Variants in KATNIP observed in about 807,000 individuals in gnomAD.
KATNIP encodes the protein katanin interacting protein.
KATNIP carries 126 observed loss-of-function variants against 174.0 expected under a neutral mutation model. The observed-to-expected ratio is 0.72, with a 90% confidence interval of 0.63 to 0.84. The LOEUF is 0.84. Among genes scored for constraint, KATNIP ranks in the 40% least tolerant of loss-of-function variants. KATNIP has a pLI of 0.00. For missense variants in KATNIP, 1,958 were observed against 2,109.7 expected (o/e 0.93, Z 1.41); for synonymous variants, 810 against 835.7 (o/e 0.97, Z 0.53).
chr16:27,643,674 G>A (rs1178264572), intron 5 of KATNIP, among the ~76,000 whole-genome samples: 11 of 149,780 alleles, frequency 7.3e-5, no homozygotes, highest in African/African-American at 2.2e-4. Context: ...GACATGGCAC[G>A]TAGTGTGAAA....
At chr16:27,632,152 A>G (rs932263435) in intron 5 of KATNIP, among the ~76,000 whole-genome samples, 15 of 152,120 alleles carry the variant, frequency 9.9e-5, no homozygotes, top group African/African-American at 3.6e-4. Context: ...CCTCATAGTC[A>G]CTCATACCTT....
chr16:27,568,606 A>G (rs1186024803), intron 1 of KATNIP, among the ~76,000 whole-genome samples: 3 of 152,156 alleles, frequency 2.0e-5, no homozygotes, highest in Non-Finnish European at 4.4e-5. Context: ...CTAAGACTAC[A>G]GGCACATGCC....
At chr16:27,663,228 G>C (rs542848483) in intron 6 of KATNIP, among the ~76,000 whole-genome samples, 8 of 136,492 alleles carry the variant, frequency 5.9e-5, no homozygotes, top group Non-Finnish European at 9.1e-5. Context: ...AAACTCCTAG[G>C]TTCAAGTAAT....
intron 2 of KATNIP, among the ~76,000 whole-genome samples, chr16:27,598,243 C>CA (rs10635648): frequency 0.057 from 8,059 of 142,490 alleles, 506 homozygotes; most frequent in African/African-American, 0.14. Context: ...GACTCCATCT[C>CA]AAAAAAAAAA....
At chr16:27,550,649 A>G (rs776812391) in intron 1 of KATNIP, among the ~76,000 whole-genome samples, 3 of 152,166 alleles carry the variant, frequency 2.0e-5, no homozygotes, top group Non-Finnish European at 4.4e-5. Context: ...TCCCTTTAAC[A>G]AAGTGCTTTC....
chr16:27,587,111 A>C lies in KATNIP; in HGVS notation c.63+13155A>C, dbSNP rs572110329. Among the ~76,000 whole-genome samples, 310 of 152,254 alleles carry C rather than the reference A, an allele frequency of 2.0e-3. 3 individuals are homozygous for C. The highest frequency in any genetic ancestry group is 7.0e-3 in the African/African-American group (291 of 41,544). ...TACTACTAGCTGTGTAGTTTTCAGC[A>C]ATTACCTAACCTCTCTGCGCGTCAG... On this transcript the variant is annotated intron_variant, in intron 2 of 27. Coordinates refer to ENST00000261588, the MANE Select transcript of KATNIP (RefSeq NM_015202.5).
chr16:27,686,256 G>A (rs765614449), intron 8 of KATNIP, among the ~76,000 whole-genome samples: 50 of 152,188 alleles, frequency 3.3e-4, no homozygotes, highest in Admixed American at 7.9e-4. Flanking sequence ...TGTATCTGGG[G>A]TCGGGGAGGG....
chr16:27,672,942 G>A (rs2077973622), intron 6 of KATNIP, among the ~76,000 whole-genome samples: 1 of 152,146 alleles, frequency 6.6e-6, no homozygotes, highest in South Asian at 2.1e-4. Context: ...CATCAGTTGG[G>A]ACAATTTGGG....
At chr16:27,700,609 G>C (rs1344958951) in intron 10 of KATNIP, among the ~76,000 whole-genome samples, 1 of 152,204 alleles carries the variant, frequency 6.6e-6, no homozygotes. Context: ...TGTCCCATCT[G>C]AGCTGAGCCC....
chr16:27,775,192 A>G (rs2082453300), intron 24 of KATNIP, 108 bp downstream of exon 24: 2 of 1,229,014 alleles, frequency 1.6e-6, no homozygotes, highest in East Asian at 2.6e-5. Flanking sequence ...AGTTAATCTC[A>G]AGCCAAGATG....
intron 18 of KATNIP, among the ~76,000 whole-genome samples, chr16:27,758,368 T>C (rs2081815706): frequency 1.3e-5 from 2 of 152,208 alleles, no homozygotes; most frequent in East Asian, 3.9e-4. Context: ...AAACAGATCC[T>C]GTATCTGTCC....
At chr16:27,699,879 T>C (rs1191054493) in intron 10 of KATNIP, among the ~76,000 whole-genome samples, 4 of 152,194 alleles carry the variant, frequency 2.6e-5, no homozygotes, top group African/African-American at 7.2e-5. Context: ...CAAACTGTTG[T>C]AATTATTTCT....
At chr16:27,660,817 T>G (rs1567267660) in intron 6 of KATNIP, among the ~76,000 whole-genome samples, 1 of 152,110 alleles carries the variant, frequency 6.6e-6, no homozygotes, top group African/African-American at 2.4e-5. Flanking sequence ...CTAGGTCTTT[T>G]GCAAGTTCAG....
At chr16:27,598,532 T>C (rs543024778) in intron 2 of KATNIP, among the ~76,000 whole-genome samples, 8 of 152,130 alleles carry the variant, frequency 5.3e-5, no homozygotes, top group Non-Finnish European at 1.0e-4. Flanking sequence ...TATTTCAGAA[T>C]TAAAATTGGG....
chr16:27,557,878 G>A (rs1425545040), intron 1 of KATNIP, among the ~76,000 whole-genome samples: 1 of 152,136 alleles, frequency 6.6e-6, no homozygotes, highest in Non-Finnish European at 1.5e-5. Flanking sequence ...ACCTGATTGT[G>A]GTATTTTCTT....
At position 27,776,348 on chromosome 16, in the gene KATNIP, G is replaced by T. The variant is rs1156492125; in HGVS notation, c.4450-580G>T. ...TAATATCTGAGAGCTTTGGTTGGGGGTGGGGAGAGGGAGGGCTGTTTGAGG... is the reference window on the plus strand; with the variant it reads ...TAATATCTGAGAGCTTTGGTTGGGGTTGGGGAGAGGGAGGGCTGTTTGAGG... On this transcript the variant is annotated intron_variant, in intron 24 of 27. Coordinates refer to ENST00000261588, the MANE Select transcript of KATNIP (RefSeq NM_015202.5). The surrounding 1 kb of genome is among the most constrained non-coding windows in gnomAD (Gnocchi z 4.7). 1.3e-5 allele frequency among the ~76,000 whole-genome samples: 2 copies of T among 152,030 alleles called. No homozygotes were observed. Among genetic ancestry groups the T allele is most frequent in the Non-Finnish European group, 2.9e-5 (2 of 68,002 alleles).
intron 3 of KATNIP, 81 bp downstream of exon 3, chr16:27,618,582 T>C (rs1467459874): frequency 1.1e-5 from 11 of 981,946 alleles, no homozygotes; most frequent in Middle Eastern, 2.1e-4. Flanking sequence ...AGGCAGGCCC[T>C]GCCTCACATA....
chr16:27,567,075 G>C (rs1373258424), intron 1 of KATNIP, among the ~76,000 whole-genome samples: 1 of 152,046 alleles, frequency 6.6e-6, no homozygotes, highest in Non-Finnish European at 1.5e-5. Context: ...ATTACTGATT[G>C]ATCTCTTAAA....
intron 24 of KATNIP, among the ~76,000 whole-genome samples, 188 bp downstream of exon 24, chr16:27,775,272 A>T (rs2082456268): frequency 6.6e-6 from 1 of 152,152 alleles, no homozygotes; most frequent in Non-Finnish European, 1.5e-5. Context: ...CCAGGCCAGC[A>T]GTTCTTTCTC....
Sources: gnomAD v4.1 joint callset for allele counts (sites outside exome capture counted in the v4.1 genomes callset) on GRCh38, gnomAD v4.1.1 for gene constraint, Gnocchi (gnomAD v3.1) non-coding constraint, MANE v1.5 for transcripts, NCBI Gene and HGNC (gene_info 2026-07-23, HGNC 2026-07-21) for gene names.